Variants in WNT8A observed in about 807,000 individuals in gnomAD.
The protein encoded by WNT8A is Wnt family member 8A, also known as protein Wnt-8a.
WNT8A carries 14 observed loss-of-function variants against 20.5 expected under a neutral mutation model. That is an observed-to-expected ratio of 0.68 (90% confidence interval 0.45 to 1.07). The LOEUF is 1.07. Among genes scored for constraint, WNT8A ranks in the 50% least tolerant of loss-of-function variants. The probability of loss-of-function intolerance (pLI) is 0.00; values close to 1 mark genes in which losing one functional copy is unlikely to be tolerated. For synonymous variants in WNT8A, 167 were observed against 169.2 expected, an observed-to-expected ratio of 0.99 and a Z score of 0.10; for missense variants, 397 against 462.9, an observed-to-expected ratio of 0.86 and a Z score of 1.31.
At chr5:138,083,097 C>A (rs1440908454), upstream of WNT8A, among the ~76,000 whole-genome samples, 1 of 151,684 alleles carries the variant, frequency 6.6e-6, no homozygotes, top group Non-Finnish European at 1.5e-5. Flanking sequence ...GGCTGGCCAA[C>A]TGGCGAAACC....
upstream of WNT8A, among the ~76,000 whole-genome samples, chr5:138,080,782 T>C (rs1750492427): frequency 6.6e-6 from 1 of 152,018 alleles, no homozygotes; most frequent in South Asian, 2.1e-4. Context: ...GGAAAGTCTT[T>C]AGTGGTCATT....
downstream of WNT8A, chr5:138,092,165 GA>G (rs1179942703): frequency 6.6e-6 from 1 of 152,108 alleles, no homozygotes; most frequent in East Asian, 1.9e-4. Flanking sequence ...ACTCCCTTTG[GA>G]AACCTTAAGA....
upstream of WNT8A, chr5:138,084,026 C>A: frequency 1.4e-6 from 2 of 1,471,112 alleles, no homozygotes; most frequent in Non-Finnish European, 9.4e-7. Context: ...GAAGACCCTG[C>A]CCTCTCCTCA....
upstream of WNT8A, among the ~76,000 whole-genome samples, chr5:138,080,354 C>CA (rs1750470255): frequency 7.3e-6 from 1 of 137,102 alleles, no homozygotes; most frequent in African/African-American, 2.7e-5. Flanking sequence ...CACACACAAA[C>CA]AAAAAAAGAT....
intron 4 of WNT8A, among the ~76,000 whole-genome samples, chr5:138,089,584 G>C (rs992310180): frequency 6.6e-6 from 1 of 152,170 alleles, no homozygotes; most frequent in Non-Finnish European, 1.5e-5. Flanking sequence ...GTTGGATTTA[G>C]AGCCAAAAGC....
upstream of WNT8A, among the ~76,000 whole-genome samples, chr5:138,080,753 AC>A (rs1014679550): frequency 3.9e-5 from 6 of 152,028 alleles, no homozygotes; most frequent in Non-Finnish European, 8.8e-5. Context: ...GATGTGAGCT[AC>A]CATGCCCAGC....
In WNT8A at chr5:138,091,416, A is replaced by C. The variant is rs1005522854; in HGVS notation, c.*343A>C. On this transcript the variant is annotated 3_prime_UTR_variant, in exon 5 of 5. Coordinates refer to ENST00000506684, the MANE Select transcript of WNT8A (RefSeq NM_001300939.2). Reference sequence around the variant, plus strand: ...GACCTTCAAAGTATTTGTTCCTTTAAATTTCAGACCATGTCCAACCCAGCT... The same window carrying C: ...GACCTTCAAAGTATTTGTTCCTTTACATTTCAGACCATGTCCAACCCAGCT... The C allele has an allele frequency of 1.5e-6, 2 of 1,366,006 alleles. No homozygotes were observed. Among genetic ancestry groups the C allele is most frequent in the African/African-American group, 2.9e-5 (2 of 68,308 alleles). The allele number at this position is 1,366,006 out of a possible 1,614,324, so 84.6% of individuals were successfully genotyped here. A position where few individuals can be genotyped will look rare whatever the true frequency, so the allele number is the denominator to read the frequency against.
chr5:138,086,230 A>C (rs1750657268), intron 2 of WNT8A, among the ~76,000 whole-genome samples: 2 of 151,664 alleles, frequency 1.3e-5, no homozygotes, highest in South Asian at 4.2e-4. Flanking sequence ...TTCTTTATTT[A>C]TTTTTGAGAC....
downstream of WNT8A, among the ~76,000 whole-genome samples, chr5:138,091,840 T>A (rs868790854): frequency 0.019 from 902 of 46,628 alleles, 7 homozygotes; most frequent in East Asian, 0.037. Flanking sequence ...AATAAATAAA[T>A]AAATAAATAA....
At chr5:138,078,873 C>T in the WNT8A span, among the ~76,000 whole-genome samples, 13 of 152,118 alleles carry the variant, frequency 8.5e-5, no homozygotes, top group Non-Finnish European at 1.8e-4. Flanking sequence ...CTCAATGCTT[C>T]CCTAGGACTC....
chr5:138,078,987 T>G, the WNT8A span, among the ~76,000 whole-genome samples: 1 of 152,186 alleles, frequency 6.6e-6, no homozygotes, highest in South Asian at 2.1e-4. Flanking sequence ...TCGTATCTAT[T>G]TACGTGTTCT....
chr5:138,088,791 C>T, intron 3 of WNT8A, 136 bp from the exon 4 acceptor site: 1 of 1,229,970 alleles, frequency 8.1e-7, no homozygotes, highest in South Asian at 1.6e-5. Flanking sequence ...GGACTCCCAC[C>T]CACCCCAAGC....
intron 2 of WNT8A, among the ~76,000 whole-genome samples, chr5:138,086,210 A>C (rs573478871): frequency 1.8e-4 from 27 of 151,832 alleles, no homozygotes; most frequent in South Asian, 6.2e-4. Flanking sequence ...ATCATTCTTT[A>C]TTTCTTTCTT....
chr5:138,085,853 C>CAAAAAAA (rs11377173), intron 2 of WNT8A, among the ~76,000 whole-genome samples: 1 of 74,924 alleles, frequency 1.3e-5, no homozygotes, highest in Non-Finnish European at 2.5e-5. Context: ...GACCTTGTCT[C>CAAAAAAA]AAAAAAAAAA....
chr5:138,087,956 T>A (rs201599965), intron 3 of WNT8A, 25 bp downstream of exon 3: 1 of 1,610,922 alleles, frequency 6.2e-7, no homozygotes. Context: ...CTAATGGGGG[T>A]GGGAAGAGGT....
Position 138,091,302 on chromosome 5 carries a change from T to C in WNT8A, c.*229T>C, listed in dbSNP as rs1330313638. On this transcript the variant is annotated 3_prime_UTR_variant, in exon 5 of 5. Coordinates refer to ENST00000506684, the MANE Select transcript of WNT8A (RefSeq NM_001300939.2). Reference sequence around the variant, plus strand: ...CTGACTTTGGCAGACCCCCATTTCATCTTTCCTGCAAACTACTTTCCCATC... The same window carrying C: ...CTGACTTTGGCAGACCCCCATTTCACCTTTCCTGCAAACTACTTTCCCATC... 2 of 1,540,600 alleles carry C rather than the reference T, an allele frequency of 1.3e-6. No homozygotes were observed. Among genetic ancestry groups the C allele is most frequent in the East Asian group, 5.1e-5 (2 of 39,314 alleles).
upstream of WNT8A, among the ~76,000 whole-genome samples, chr5:138,080,449 T>TTTGTTTTTG (rs1364644063): frequency 6.3e-5 from 6 of 94,706 alleles, no homozygotes; most frequent in East Asian, 6.8e-4. Context: ...ATCTTGTTTT[T>TTTGTTTTTG]TTTTTTTTTT....
intron 4 of WNT8A, among the ~76,000 whole-genome samples, chr5:138,090,323 AC>A (rs1192424966): frequency 6.6e-6 from 1 of 152,110 alleles, no homozygotes; most frequent in Non-Finnish European, 1.5e-5. Context: ...CTTTAAAATC[AC>A]CAGTACCAGC....
At position 138,091,220 on chromosome 5, in the gene WNT8A, G is replaced by A. The variant is rs1333332001; in HGVS notation, c.*147G>A. On this transcript the variant is annotated 3_prime_UTR_variant, in exon 5 of 5. Coordinates refer to ENST00000506684, the MANE Select transcript of WNT8A (RefSeq NM_001300939.2). Reference sequence around the variant, plus strand: ...ATATCTGCTATCAGTGGGGAAAATGGAGGCCCAAGATTCTACAGCATATTC... The same window carrying A: ...ATATCTGCTATCAGTGGGGAAAATGAAGGCCCAAGATTCTACAGCATATTC... 14 of 1,545,234 alleles carry A rather than the reference G, an allele frequency of 9.1e-6. No individual in the cohort carries two copies. The highest frequency in any genetic ancestry group is 1.0e-5 in the Non-Finnish European group (12 of 1,157,766).
Sources: allele counts gnomAD v4.1 joint callset (sites outside exome capture counted in the v4.1 genomes callset), GRCh38; gene constraint gnomAD v4.1.1; transcripts MANE v1.5; gene names NCBI Gene and HGNC (gene_info 2026-07-23, HGNC 2026-07-21).